FHOD3: variants seen among roughly 807,000 people sequenced by gnomAD.
FHOD3 encodes the protein formin homology 2 domain containing 3, also known as FH1/FH2 domain-containing protein 3.
FHOD3 carries 90 observed loss-of-function variants against 173.0 expected under a neutral mutation model. The observed-to-expected ratio is 0.52, with a 90% confidence interval of 0.44 to 0.62. The LOEUF (loss-of-function observed/expected upper bound fraction) is 0.62, where lower values mean the gene tolerates loss of function less well. Ranked by LOEUF, FHOD3 falls within the 20% of genes least tolerant of loss-of-function variation. FHOD3 has a pLI of 0.00. For missense variants in FHOD3, 1,945 were observed against 2,034.7 expected (o/e 0.96, Z 0.85); for synonymous variants, 828 against 823.0 (o/e 1.01, Z -0.10).
At chr18:36,589,272 A>G (rs769426470) in intron 6 of FHOD3, among the ~76,000 whole-genome samples, 3 of 152,264 alleles carry the variant, frequency 2.0e-5, no homozygotes, top group Non-Finnish European at 2.9e-5. Context: ...CAACATAAAC[A>G]TAGTCTTTAT....
chr18:36,354,204 C>T (rs553185828), intron 1 of FHOD3, among the ~76,000 whole-genome samples: 2 of 152,186 alleles, frequency 1.3e-5, no homozygotes, highest in Non-Finnish European at 2.9e-5. Flanking sequence ...TTTTCAAGTT[C>T]TGTGTGTGTC....
chr18:36,730,706 G>A lies in FHOD3; in HGVS notation c.3478G>A (p.Ala1160Thr), dbSNP rs746707013. The A allele has an allele frequency of 1.3e-5, 21 of 1,613,966 alleles. No homozygotes were observed. Among genetic ancestry groups the A allele is most frequent in the African/African-American group, 2.7e-5 (2 of 74,906 alleles). ...TGTTCTGGATTCCAAGAGGAGTAAC[G>A]CCATCAATATTGGTCTGACGGTGCT... The part of the protein sequence containing the change: ...IIVLDSKRSN[A>T]INIGLTVLPP... Residue 1160 changes from alanine to threonine, a missense_variant, in exon 20 of 29, where the codon GCC becomes ACC. This residue lies in a region of FHOD3 where 231 missense variants were observed against 321.9 expected (regional missense o/e 0.72). Transcript: ENST00000590592.
chr18:36,754,957 AGT>A (rs924639932), intron 24 of FHOD3, among the ~76,000 whole-genome samples, 160 bp from the exon 25 acceptor site: 1 of 148,332 alleles, frequency 6.7e-6, no homozygotes, highest in African/African-American at 2.5e-5. Context: ...TCTTACTGAG[AGT>A]GTGGCTTGTT....
chr18:36,524,000 G>T (rs2056397015), intron 5 of FHOD3, among the ~76,000 whole-genome samples: 1 of 152,134 alleles, frequency 6.6e-6, no homozygotes. Flanking sequence ...CTTGTATTCG[G>T]CTGGACATGG....
At chr18:36,579,252 T>C (rs1415136951) in intron 6 of FHOD3, among the ~76,000 whole-genome samples, 1 of 152,190 alleles carries the variant, frequency 6.6e-6, no homozygotes, top group Non-Finnish European at 1.5e-5. Flanking sequence ...AAGATTGACT[T>C]TTTGTACATG....
intron 1 of FHOD3, among the ~76,000 whole-genome samples, chr18:36,300,207 G>T (rs1054464087): frequency 6.6e-6 from 1 of 152,190 alleles, no homozygotes; most frequent in African/African-American, 2.4e-5. Context: ...TGCTAGAAGT[G>T]GGGAACTGAG....
intron 13 of FHOD3, 53 bp downstream of exon 13, chr18:36,653,469 A>G (rs566581882): frequency 7.8e-7 from 1 of 1,283,558 alleles, no homozygotes; most frequent in Admixed American, 2.3e-5. Context: ...TTTATATTCT[A>G]ATGTATGCAT....
chr18:36,586,502 T>G lies in FHOD3; in HGVS notation c.607-8285T>G, dbSNP rs545916711. 9.4e-3 allele frequency among the ~76,000 whole-genome samples: 1,384 copies of G among 147,544 alleles called. 21 individuals are homozygous for G. The highest frequency in any genetic ancestry group is 0.032 in the African/African-American group (1,283 of 40,156). On this transcript the variant is annotated intron_variant, in intron 6 of 28. Coordinates refer to ENST00000590592, the MANE Select transcript of FHOD3 (RefSeq NM_001281740.3). Reference sequence around the variant, plus strand: ...TGTGCATGTTACTTTTTTTTTTTTTTGAGACAGAGTCTCACTCTGTCGCCC... The same window carrying G: ...TGTGCATGTTACTTTTTTTTTTTTTGGAGACAGAGTCTCACTCTGTCGCCC...
chr18:36,448,229 G>C (rs377254887), intron 3 of FHOD3, among the ~76,000 whole-genome samples: 6 of 152,098 alleles, frequency 3.9e-5, no homozygotes, highest in African/African-American at 1.4e-4. Flanking sequence ...GACTCTCCCT[G>C]AAATTACTAA....
intron 19 of FHOD3, among the ~76,000 whole-genome samples, chr18:36,726,538 C>G (rs1339289399): frequency 3.3e-5 from 5 of 152,162 alleles, no homozygotes; most frequent in African/African-American, 2.4e-5. Context: ...TCACAAGGAC[C>G]ACTCTTTCTT....
chr18:36,408,249 GT>G, intron 3 of FHOD3, among the ~76,000 whole-genome samples: 1 of 152,382 alleles, frequency 6.6e-6, no homozygotes, highest in South Asian at 2.1e-4. Flanking sequence ...CAAGAATGTG[GT>G]GATATTAATG....
intron 3 of FHOD3, among the ~76,000 whole-genome samples, chr18:36,426,253 T>C (rs1383292142): frequency 2.0e-5 from 3 of 152,048 alleles, no homozygotes; most frequent in East Asian, 3.9e-4. Flanking sequence ...ATGGTAGGGG[T>C]TGTTATTTTT....
chr18:36,333,069 C>G (rs2045107188), intron 1 of FHOD3, among the ~76,000 whole-genome samples: 1 of 152,244 alleles, frequency 6.6e-6, no homozygotes, highest in Non-Finnish European at 1.5e-5. Context: ...GTCTCCCACA[C>G]TGCCCTTAGC....
In FHOD3 at chr18:36,517,857, A is replaced by G. The variant is rs2056076011; in HGVS notation, c.511+5314A>G. ...CAGGCTTCTTTGGAAAAACTGTCCCAGAGTTGACTATAGTCCACTATAGGA... is the reference window on the plus strand; with the variant it reads ...CAGGCTTCTTTGGAAAAACTGTCCCGGAGTTGACTATAGTCCACTATAGGA... On this transcript the variant is annotated intron_variant, in intron 5 of 28. Transcript: ENST00000590592. 2.0e-5 allele frequency among the ~76,000 whole-genome samples: 3 copies of G among 152,222 alleles called. No individual in the cohort carries two copies. The South Asian group carries it at 6.2e-4, about 32-fold the overall frequency.
At chr18:36,489,032 G>A (rs1393499844) in intron 3 of FHOD3, among the ~76,000 whole-genome samples, 7 of 152,188 alleles carry the variant, frequency 4.6e-5, no homozygotes, top group Non-Finnish European at 1.0e-4. Context: ...GCTGCAGTGG[G>A]TGCCTCCATA....
intron 14 of FHOD3, among the ~76,000 whole-genome samples, chr18:36,677,887 T>G (rs764810011): frequency 6.6e-6 from 1 of 152,192 alleles, no homozygotes; most frequent in Non-Finnish European, 1.5e-5. Context: ...TAGCTTTCAT[T>G]TGGGTCTTTT....
intron 5 of FHOD3, among the ~76,000 whole-genome samples, chr18:36,545,130 C>A (rs1042243592): frequency 6.6e-6 from 1 of 152,100 alleles, no homozygotes; most frequent in Non-Finnish European, 1.5e-5. Flanking sequence ...ATCTCTCCCC[C>A]TCTCTCCCTG....
At chr18:36,506,950 A>C (rs2055337558) in intron 4 of FHOD3, among the ~76,000 whole-genome samples, 2 of 152,224 alleles carry the variant, frequency 1.3e-5, no homozygotes, top group South Asian at 4.1e-4. Context: ...CTCTCCCCCC[A>C]AAATAAAATA....
chr18:36,659,413 G>A (rs2149200760), intron 14 of FHOD3, among the ~76,000 whole-genome samples: 1 of 152,290 alleles, frequency 6.6e-6, no homozygotes, highest in South Asian at 2.1e-4. Context: ...TTTACCCTAG[G>A]GCACCTCCTG....
Sources: gnomAD v4.1 joint callset for allele counts (sites outside exome capture counted in the v4.1 genomes callset) on GRCh38, gnomAD v4.1.1 for gene constraint, gnomAD v4.1.1 regional missense constraint, MANE v1.5 for transcripts, NCBI Gene and HGNC (gene_info 2026-07-23, HGNC 2026-07-21) for gene names.